Variants in FAM117B observed in about 807,000 individuals in gnomAD.
FAM117B encodes the protein family with sequence similarity 117 member B, also known as protein FAM117B.
In FAM117B, 22 loss-of-function variants were observed where a neutral mutation model predicts 52.8. The observed-to-expected ratio is 0.42, with a 90% CI of 0.30 to 0.59. The LOEUF is 0.59. Ranked by LOEUF, FAM117B falls within the 20% of genes least tolerant of loss-of-function variation. FAM117B has a pLI of 0.22. For missense variants in FAM117B, 678 were observed against 802.6 expected (o/e 0.84, Z 1.88); for synonymous variants, 309 against 324.1 (o/e 0.95, Z 0.50).
chr2:202,736,921 A>C (rs894358418), intron 4 of FAM117B, among the ~76,000 whole-genome samples: 1 of 152,172 alleles, frequency 6.6e-6, no homozygotes, highest in Admixed American at 6.5e-5. Context: ...TAAAAAAAAA[A>C]ATTAATGCTA....
At chr2:202,707,734 A>C (rs1206410845) in intron 2 of FAM117B, among the ~76,000 whole-genome samples, 1 of 151,842 alleles carries the variant, frequency 6.6e-6, no homozygotes, top group African/African-American at 2.4e-5. Context: ...TCCATCAATC[A>C]ATCAATAAAA....
intron 4 of FAM117B, among the ~76,000 whole-genome samples, chr2:202,730,759 C>T (rs891572799): frequency 6.6e-6 from 1 of 152,254 alleles, no homozygotes; most frequent in African/African-American, 2.4e-5. Context: ...AACTCAAAAT[C>T]GTCAAGGACC....
Position 202,769,672 on chromosome 2 carries a change from T to G in FAM117B, c.*3908T>G, listed in dbSNP as rs1692041285. 1 of 152,654 alleles carries G rather than the reference T, an allele frequency of 6.6e-6. No individual in the cohort carries two copies. Among genetic ancestry groups the G allele is most frequent in the Non-Finnish European group, 1.5e-5 (1 of 68,038 alleles). 9.5% of individuals were successfully genotyped at this position (152,654 alleles called of 1,614,324 possible). On this transcript the variant is annotated 3_prime_UTR_variant, in exon 8 of 8. Coordinates refer to ENST00000392238, the MANE Select transcript of FAM117B (RefSeq NM_173511.4). The stretch of plus-strand genomic sequence containing the variant: ...GGTAATCGGTATTGTTACGCTGTAC[T>G]TATGTATTCCCTGTACCTGAACACT...
intron 1 of FAM117B, among the ~76,000 whole-genome samples, chr2:202,689,303 G>A (rs1038191173): frequency 6.6e-6 from 1 of 151,976 alleles, no homozygotes; most frequent in Non-Finnish European, 1.5e-5. Context: ...TTAGCCAGGC[G>A]TAGTGGCGTA....
At chr2:202,679,659 G>A (rs1690433484) in intron 1 of FAM117B, among the ~76,000 whole-genome samples, 1 of 152,164 alleles carries the variant, frequency 6.6e-6, no homozygotes, top group South Asian at 2.1e-4. Flanking sequence ...TTAGCCTAGA[G>A]TAAAGGCTAC....
At chr2:202,723,852 C>T (rs184664380) in intron 2 of FAM117B, among the ~76,000 whole-genome samples, 50 of 152,198 alleles carry the variant, frequency 3.3e-4, no homozygotes, top group African/African-American at 1.1e-3. Context: ...GAATATCCCC[C>T]CATAAAGGCT....
rs997605988 is a variant in FAM117B at position 202,768,955 on chromosome 2, G to A, written c.*3191G>A. 6.6e-6 allele frequency: 1 copy of A among 151,928 alleles called. No homozygotes were observed. Among genetic ancestry groups the A allele is most frequent in the Non-Finnish European group, 1.5e-5 (1 of 67,998 alleles). The allele number at this position is 151,928 out of a possible 1,614,324, so 9.4% of individuals were successfully genotyped here. On this transcript the variant is annotated 3_prime_UTR_variant, in exon 8 of 8. Transcript: ENST00000392238. ...ATATAAATTTACTGTTTCTGATCAT[G>A]ACTGAGTCTATTACTTGTCATGGCT...
At chr2:202,738,799 G>T (rs1003976102) in intron 4 of FAM117B, among the ~76,000 whole-genome samples, 1 of 152,128 alleles carries the variant, frequency 6.6e-6, no homozygotes, top group South Asian at 2.1e-4. Context: ...ATAAAATAAT[G>T]TATATAAACT....
intron 4 of FAM117B, among the ~76,000 whole-genome samples, chr2:202,737,081 C>T (rs1450012201): frequency 2.0e-5 from 3 of 152,058 alleles, no homozygotes; most frequent in East Asian, 3.9e-4. Context: ...CTCTAAAAGA[C>T]AGGAAGCTGA....
intron 4 of FAM117B, among the ~76,000 whole-genome samples, chr2:202,755,052 AAG>A (rs1691781739): frequency 6.6e-6 from 1 of 151,914 alleles, no homozygotes; most frequent in Non-Finnish European, 1.5e-5. Context: ...AAGCAGGAGC[AAG>A]AGAGAGAAGT....
chr2:202,709,417 G>T (rs1048588544), intron 2 of FAM117B, among the ~76,000 whole-genome samples: 4 of 152,094 alleles, frequency 2.6e-5, no homozygotes, highest in African/African-American at 9.7e-5. Context: ...GGTCAGCCTG[G>T]TCTTGAACTC....
intron 1 of FAM117B, among the ~76,000 whole-genome samples, chr2:202,682,776 G>T (rs1690482398): frequency 6.6e-6 from 1 of 152,152 alleles, no homozygotes; most frequent in Non-Finnish European, 1.5e-5. Context: ...AAATATTTTT[G>T]AAATTAAACT....
intron 1 of FAM117B, among the ~76,000 whole-genome samples, chr2:202,647,607 A>C (rs746772680): frequency 1.3e-5 from 2 of 152,230 alleles, no homozygotes; most frequent in African/African-American, 2.4e-5. Flanking sequence ...CATCGCTTAC[A>C]TGTGAATGAC....
chr2:202,705,975 C>T (rs554010390), intron 2 of FAM117B, among the ~76,000 whole-genome samples: 3 of 152,228 alleles, frequency 2.0e-5, no homozygotes, highest in South Asian at 2.1e-4. Context: ...TTGTGACCCA[C>T]GTGATTGATG....
At chr2:202,706,791 A>G (rs973691277) in intron 2 of FAM117B, among the ~76,000 whole-genome samples, 4 of 152,178 alleles carry the variant, frequency 2.6e-5, no homozygotes, top group Non-Finnish European at 4.4e-5. Flanking sequence ...ATGTAACAGG[A>G]GTGAGTAGAA....
chr2:202,701,707 A>G (rs1690797548), intron 2 of FAM117B, among the ~76,000 whole-genome samples: 1 of 152,222 alleles, frequency 6.6e-6, no homozygotes, highest in Non-Finnish European at 1.5e-5. Flanking sequence ...CTTCAGTGGA[A>G]GAGGTCATTG....
intron 1 of FAM117B, among the ~76,000 whole-genome samples, chr2:202,642,303 A>C (rs865852233): frequency 6.7e-6 from 1 of 148,272 alleles, no homozygotes; most frequent in Middle Eastern, 3.6e-3. Context: ...TTAGGCACTC[A>C]CAGTTATTAT....
At chr2:202,742,248 G>C (rs1691554312) in intron 4 of FAM117B, among the ~76,000 whole-genome samples, 1 of 152,190 alleles carries the variant, frequency 6.6e-6, no homozygotes, top group Admixed American at 6.5e-5. Flanking sequence ...CAGCAAAGCT[G>C]TGAAAAGGAA....
In FAM117B at chr2:202,767,982, A is replaced by G. The variant is rs370642017; in HGVS notation, c.*2218A>G. The G allele has an allele frequency of 2.0e-5, 3 of 152,244 alleles. No individual in the cohort carries two copies. In the South Asian group the frequency reaches 6.2e-4, roughly 31 times the overall value. 9.4% of individuals were successfully genotyped at this position (152,244 alleles called of 1,614,324 possible). ...TATTTTGCCTTCTTTGTTATGCATT[A>G]TAACTTGACTGTATCACCACTGAGT... On this transcript the variant is annotated 3_prime_UTR_variant, in exon 8 of 8. Coordinates refer to ENST00000392238, the MANE Select transcript of FAM117B (RefSeq NM_173511.4).
Sources: gnomAD v4.1 joint callset for allele counts (sites outside exome capture counted in the v4.1 genomes callset) on GRCh38, gnomAD v4.1.1 for gene constraint, MANE v1.5 for transcripts, NCBI Gene and HGNC (gene_info 2026-07-23, HGNC 2026-07-21) for gene names.